CLCN5: variants seen among roughly 807,000 people sequenced by gnomAD.
CLCN5 encodes the protein Cl-/H+ antiporter 5.
A neutral mutation model predicts 54.0 loss-of-function variants in CLCN5; 17 were observed. The ratio of observed to expected loss-of-function variants is 0.31; its 90% CI spans 0.22 to 0.47. The LOEUF (loss-of-function observed/expected upper bound fraction) is 0.47, where lower values mean the gene tolerates loss of function less well. Ranked by LOEUF, CLCN5 falls within the 20% of genes least tolerant of loss-of-function variation. The pLI is 1.00. For synonymous variants in CLCN5, 222 were observed against 233.0 expected (o/e 0.95, Z 0.43); for missense variants, 448 against 646.7 (o/e 0.69, Z 3.33).
At chrX:50,023,029 C>G (rs1192533591) in intron 3 of CLCN5, among the ~76,000 whole-genome samples, 1 of 89,711 alleles carries the variant, frequency 1.1e-5, no homozygotes, top group Non-Finnish European at 2.0e-5. Context: ...TCCTGGGTAT[C>G]CTTGTTGACT....
intron 4 of CLCN5, among the ~76,000 whole-genome samples, chrX:50,057,893 T>C (rs1403551095): frequency 9.0e-6 from 1 of 110,682 alleles, no homozygotes; most frequent in Non-Finnish European, 1.9e-5. Context: ...TGAAAGAGTT[T>C]ATGTGACTTA....
chrX:50,019,394 C>T (rs782446338), intron 3 of CLCN5, among the ~76,000 whole-genome samples: 3 of 106,770 alleles, frequency 2.8e-5, no homozygotes, highest in East Asian at 5.8e-4. Context: ...AATCAGATCA[C>T]GGTATTATTT....
At chrX:49,979,423 T>C (rs1404692769) in intron 3 of CLCN5, among the ~76,000 whole-genome samples, 2 of 111,868 alleles carry the variant, frequency 1.8e-5, no homozygotes, top group Non-Finnish European at 3.8e-5. Flanking sequence ...TTTGAAAGAA[T>C]GAACTTGTCT....
At chrX:49,970,345 C>A (rs143727183) in intron 3 of CLCN5, among the ~76,000 whole-genome samples, 1,349 of 110,833 alleles carry the variant, frequency 0.012, 15 homozygotes, top group African/African-American at 0.042. Flanking sequence ...AGTTGGGCAA[C>A]CATCACCACA....
At chrX:50,080,803 C>T in intron 8 of CLCN5, 87 bp downstream of exon 8, 5 of 778,333 alleles carry the variant, frequency 6.4e-6, no homozygotes, top group Non-Finnish European at 9.8e-6. Flanking sequence ...GCACATACCA[C>T]AATTTGATGA....
At chrX:49,946,673 C>G (rs1309608991) in intron 3 of CLCN5, among the ~76,000 whole-genome samples, 1 of 110,895 alleles carries the variant, frequency 9.0e-6, no homozygotes, top group African/African-American at 3.3e-5. Flanking sequence ...AGAACCTACT[C>G]ACATGTCCCA....
intron 4 of CLCN5, among the ~76,000 whole-genome samples, chrX:50,051,043 T>C (rs1252890237): frequency 5.4e-5 from 6 of 111,713 alleles, no homozygotes; most frequent in African/African-American, 2.0e-4. Flanking sequence ...CTTATTAATT[T>C]TTTTTCTTTC....
chrX:49,949,634 C>T (rs782784398), intron 3 of CLCN5, among the ~76,000 whole-genome samples: 3 of 110,592 alleles, frequency 2.7e-5, no homozygotes, highest in Non-Finnish European at 3.8e-5. Context: ...ATTTAAAGAG[C>T]GACAGACAAA....
At chrX:50,080,051 A>T (rs1485153027) in intron 7 of CLCN5, among the ~76,000 whole-genome samples, 1 of 111,688 alleles carries the variant, frequency 9.0e-6, no homozygotes, top group African/African-American at 3.3e-5. Flanking sequence ...CCTTAAATAC[A>T]TACAATAAAA....
intron 3 of CLCN5, among the ~76,000 whole-genome samples, chrX:50,031,453 G>T (rs540155244): frequency 9.0e-6 from 1 of 111,492 alleles, no homozygotes; most frequent in South Asian, 3.7e-4. Flanking sequence ...AGTATAGTCT[G>T]TGAGTTATTG....
chrX:50,074,816 G>A (rs1172558986), intron 6 of CLCN5, among the ~76,000 whole-genome samples: 1 of 111,922 alleles, frequency 8.9e-6, no homozygotes, highest in Non-Finnish European at 1.9e-5. Flanking sequence ...CTGAATGCTG[G>A]AACAGTCTGG....
chrX:49,936,965 C>T (rs6520487), intron 3 of CLCN5, among the ~76,000 whole-genome samples: 1,780 of 111,274 alleles, frequency 0.016, 33 homozygotes, highest in African/African-American at 0.054. Context: ...TGGTGGTTCA[C>T]GCCTGTAATC....
chrX:50,082,163 A>G (rs1198341306), intron 9 of CLCN5, among the ~76,000 whole-genome samples: 3 of 112,081 alleles, frequency 2.7e-5, no homozygotes, highest in Non-Finnish European at 5.6e-5. Context: ...AACCTTTTAT[A>G]TATTGACTTG....
chrX:50,052,818 A>C (rs1261670539), intron 4 of CLCN5, among the ~76,000 whole-genome samples: 1 of 111,914 alleles, frequency 8.9e-6, no homozygotes, highest in African/African-American at 3.2e-5. Flanking sequence ...ATGTATTTTA[A>C]ATGTTCTCAC....
intron 3 of CLCN5, among the ~76,000 whole-genome samples, chrX:49,992,428 A>G (rs782756899): frequency 9.0e-6 from 1 of 110,826 alleles, no homozygotes; most frequent in South Asian, 3.9e-4. Flanking sequence ...TGTGGTTTGT[A>G]GGGCTGACAT....
chrX:50,043,993 C>T (rs1932310988), intron 4 of CLCN5, among the ~76,000 whole-genome samples: 1 of 111,809 alleles, frequency 8.9e-6, no homozygotes, highest in Admixed American at 9.5e-5. Context: ...AGACACTTTG[C>T]TGAGCTCTGG....
intron 3 of CLCN5, among the ~76,000 whole-genome samples, chrX:49,968,936 T>G (rs1324674838): frequency 9.4e-6 from 1 of 106,078 alleles, no homozygotes; most frequent in East Asian, 2.9e-4. Context: ...AGGGCTAATA[T>G]CCAGAATCTA....
chrX:50,081,023 T>C (rs782593256), intron 8 of CLCN5, among the ~76,000 whole-genome samples: 27 of 111,634 alleles, frequency 2.4e-4, no homozygotes, highest in Non-Finnish European at 3.8e-4. Context: ...AGCAGTGTTA[T>C]TGTCAGCTTT....
chrX:49,977,260 A>G (rs930142315), intron 3 of CLCN5, among the ~76,000 whole-genome samples: 1 of 111,394 alleles, frequency 9.0e-6, no homozygotes, highest in Admixed American at 9.6e-5. Flanking sequence ...TAAAATGAAT[A>G]TATTAGGGCA....
Sources: gnomAD v4.1 joint callset for allele counts (sites outside exome capture counted in the v4.1 genomes callset) on GRCh38, gnomAD v4.1.1 for gene constraint, MANE v1.5 for transcripts, NCBI Gene and HGNC (gene_info 2026-07-23, HGNC 2026-07-21) for gene names.